The following UNC13A variants were observed in gnomAD, a reference collection of about 807,000 sequenced individuals.
The protein encoded by UNC13A is protein unc-13 homolog A.
A neutral mutation model predicts 219.7 loss-of-function variants in UNC13A; 61 were observed. The observed-to-expected ratio is 0.28, with a 90% CI of 0.23 to 0.34. The LOEUF is 0.34. Ranked by LOEUF, UNC13A falls within the 10% of genes least tolerant of loss-of-function variation. UNC13A has a pLI of 1.00. For missense variants in UNC13A, 1,476 were observed against 2,270.3 expected, an observed-to-expected ratio of 0.65 and a Z score of 7.11; for synonymous variants, 920 against 884.6, an observed-to-expected ratio of 1.04 and a Z score of -0.71.
rs1014541148 is a variant in UNC13A, at chr19:17,688,333, AT to A, written c.-135del. 7.6e-7 allele frequency: 1 copy of A among 1,308,946 alleles called. No individual in the cohort carries two copies. Among genetic ancestry groups the A allele is most frequent in the Non-Finnish European group, 9.7e-7 (1 of 1,028,224 alleles). 81.1% of individuals were successfully genotyped at this position (1,308,946 alleles called of 1,614,324 possible). ...CGCCGGGGCCCGGCCGCCACCGGCC[AT>A]CTTGGTTCAGCACCGGGGGCGCGGA... On this transcript the variant is annotated 5_prime_UTR_variant, in exon 1 of 44. It removes an upstream start codon present in the reference 5' UTR. Transcript: ENST00000519716.
At chr19:17,687,133 A>C (rs1255205436) in intron 1 of UNC13A, among the ~76,000 whole-genome samples, 3 of 152,176 alleles carry the variant, frequency 2.0e-5, no homozygotes, top group Admixed American at 1.3e-4. Flanking sequence ...GGGAGTGCCC[A>C]GAACGCCTGG....
chr19:17,682,153 C>A (rs1489917266), intron 1 of UNC13A, among the ~76,000 whole-genome samples: 2 of 152,092 alleles, frequency 1.3e-5, no homozygotes, highest in Non-Finnish European at 2.9e-5. Flanking sequence ...AGGGTTTCAC[C>A]ATGTTGCCCA....
At chr19:17,677,357 C>CTT (rs993666999) in intron 1 of UNC13A, among the ~76,000 whole-genome samples, 117 of 67,034 alleles carry the variant, frequency 1.7e-3, no homozygotes, top group African/African-American at 0.013. Flanking sequence ...TCTTTCTTTT[C>CTT]TTTTTTTTTT....
intron 35 of UNC13A, among the ~76,000 whole-genome samples, chr19:17,624,122 C>CTT (rs762349924): frequency 0.11 from 15,364 of 135,806 alleles, 1,134 homozygotes; most frequent in Middle Eastern, 0.16. Flanking sequence ...TATGCCTTCT[C>CTT]TTTTTTTTTT....
In UNC13A at chr19:17,645,820, C is replaced by T; in HGVS notation, c.2210G>A (p.Arg737His). 2 of 1,611,232 alleles carry T rather than the reference C, an allele frequency of 1.2e-6. No homozygotes were observed. Among genetic ancestry groups the T allele is most frequent in the Non-Finnish European group, 1.7e-6 (2 of 1,178,694 alleles). Reference protein sequence around the residue: ...FHFECHNSSDRIKVRVWDEDD... With the variant: ...FHFECHNSSDHIKVRVWDEDD... ...CTCGTCCCAGACGCGCACCTTGATG[C>T]GGTCGGAGGAATTGTGACATTCACT... The change falls in exon 19 of 44, where the codon CGC (arginine) becomes CAC (histidine). Residue 737 changes from arginine (R) to histidine (H), a missense_variant. This residue lies in a region of UNC13A where 66 missense variants were observed against 224.3 expected (regional missense o/e 0.29). Transcript: ENST00000519716.
rs1028692794 is a variant in UNC13A, at chr19:17,604,086, A to G, written c.*1968T>C. On this transcript the variant is annotated 3_prime_UTR_variant, in exon 44 of 44. Transcript: ENST00000519716. ...CTCGGTCTCCCCAAATGCTGGGATT[A>G]TAGTCATGTCCCCACAGCTATAGGT... 2.0e-5 allele frequency: 3 copies of G among 152,182 alleles called. No individual in the cohort carries two copies. Among genetic ancestry groups the G allele is most frequent in the Non-Finnish European group, 4.4e-5 (3 of 68,080 alleles). The allele number at this position is 152,182 out of a possible 1,614,324, so 9.4% of individuals were successfully genotyped here. A position where few individuals can be genotyped will look rare whatever the true frequency, so the allele number is the denominator to read the frequency against.
intron 1 of UNC13A, among the ~76,000 whole-genome samples, chr19:17,684,606 C>G (rs8106468): frequency 0.62 from 94,262 of 152,110 alleles, 30,928 homozygotes; most frequent in African/African-American, 0.79. Context: ...ATAAATGAAG[C>G]GGGCAGAGAT....
At chr19:17,684,403 A>G (rs187380575) in intron 1 of UNC13A, among the ~76,000 whole-genome samples, 1 of 152,256 alleles carries the variant, frequency 6.6e-6, no homozygotes, top group Admixed American at 6.6e-5. Context: ...GATGGCTAGG[A>G]ATAGGGCTGG....
chr19:17,679,507 G>T (rs2079966510), intron 1 of UNC13A, among the ~76,000 whole-genome samples: 1 of 151,516 alleles, frequency 6.6e-6, no homozygotes, highest in Non-Finnish European at 1.5e-5. Flanking sequence ...AGGCAGTTGG[G>T]GGAGAAAAGT....
At chr19:17,631,275 C>T (rs933168766) in intron 28 of UNC13A, among the ~76,000 whole-genome samples, 11 of 144,622 alleles carry the variant, frequency 7.6e-5, no homozygotes, top group Non-Finnish European at 1.5e-4. Flanking sequence ...GGCTAAAGTG[C>T]AGTGGTGCGA....
intron 36 of UNC13A, 84 bp downstream of exon 36, chr19:17,623,458 G>T: frequency 9.1e-7 from 1 of 1,098,710 alleles, no homozygotes; most frequent in African/African-American, 1.6e-5. Flanking sequence ...TGGGTGGGTG[G>T]GGAGAGGGGT....
chr19:17,613,794 C>A (rs1339190019), intron 41 of UNC13A: 1 of 149,600 alleles, frequency 6.7e-6, no homozygotes, highest in Non-Finnish European at 1.5e-5. Context: ...CGGCTCACTG[C>A]AACCTCGGCC....
intron 8 of UNC13A, among the ~76,000 whole-genome samples, chr19:17,659,504 A>G (rs1329073298): frequency 2.0e-5 from 3 of 151,990 alleles, no homozygotes; most frequent in Non-Finnish European, 4.4e-5. Flanking sequence ...AAAGTGGCTC[A>G]TGCCTGTAAT....
chr19:17,606,200 C>T lies in UNC13A; in HGVS notation c.4966G>A (p.Gly1656Ser). The change falls in exon 44 of 44, where the codon GGC becomes AGC. Residue 1656 changes from glycine to serine, a missense_variant. By Grantham distance (56) the Gly-to-Ser change is moderately conservative. Transcript: ENST00000519716. ...RGSAACWLPLGRRIHMDDTGL... is the reference protein window; with the variant it reads ...RGSAACWLPLSRRIHMDDTGL... ...GTGTCGTCCATGTGGATGCGGCGGCCGAGCGGCAGCCAGCAGGCGGCGCTC... is the reference window on the plus strand; with the variant it reads ...GTGTCGTCCATGTGGATGCGGCGGCTGAGCGGCAGCCAGCAGGCGGCGCTC... 6.4e-7 allele frequency: 1 copy of T among 1,551,428 alleles called. No individual in the cohort carries two copies. The highest frequency in any genetic ancestry group is 8.7e-7 in the Non-Finnish European group (1 of 1,150,722).
chr19:17,672,435 C>G lies in UNC13A; in HGVS notation c.213G>C (p.Trp71Cys), dbSNP rs747275398. 6.2e-7 allele frequency: 1 copy of G among 1,613,868 alleles called. No homozygotes were observed. The highest frequency in any genetic ancestry group is 8.5e-7 in the Non-Finnish European group (1 of 1,179,858). The stretch of plus-strand genomic sequence containing the variant: ...TCCACACAGTGCCCACCATTGTGTC[C>G]CAGATGAGACCCTTATTCCACACCT... ...TVEVWNKGLIWDTMVGTVWIP... is the reference protein window; with the variant it reads ...TVEVWNKGLICDTMVGTVWIP... Residue 71 changes from tryptophan (W) to cysteine (C), a missense_variant, in exon 4 of 44, where the codon TGG becomes TGC. By Grantham distance (215) the Trp-to-Cys change is radical. Coordinates refer to ENST00000519716, the MANE Select transcript of UNC13A (RefSeq NM_001080421.3).
At chr19:17,686,252 C>A (rs1233297659) in intron 1 of UNC13A, among the ~76,000 whole-genome samples, 1 of 149,916 alleles carries the variant, frequency 6.7e-6, no homozygotes, top group East Asian at 2.0e-4. Flanking sequence ...ATGCCACCCC[C>A]GCAGCCGAGC....
At chr19:17,648,393 C>T in intron 16 of UNC13A, 38 bp downstream of exon 16, 8 of 1,484,498 alleles carry the variant, frequency 5.4e-6, no homozygotes, top group Non-Finnish European at 6.3e-6. Flanking sequence ...GGGCTCCCCA[C>T]GCCAACCCGT....
At position 17,649,260 on chromosome 19, in the gene UNC13A, G is replaced by T. The variant is rs144093654; in HGVS notation, c.1524+79C>A. The T allele has an allele frequency of 4.4e-3, 6,695 of 1,534,068 alleles. 32 individuals are homozygous for T. The highest frequency in any genetic ancestry group is 0.016 in the Middle Eastern group (92 of 5,656). On this transcript the variant is annotated intron_variant, in intron 14 of 43. Transcript: ENST00000519716. This position sits in a 1 kb window ranked among gnomAD's most constrained non-coding sequence, Gnocchi z 4.4. ...ATGGCAAGGTTCCCCCATAATCCATGAATTGGGGGCCTGTTAGAAGATCCC... is the reference window on the plus strand; with the variant it reads ...ATGGCAAGGTTCCCCCATAATCCATTAATTGGGGGCCTGTTAGAAGATCCC...
chr19:17,606,367 G>T lies in UNC13A; in HGVS notation c.4812-13C>A. The T allele has an allele frequency of 1.9e-6, 3 of 1,540,240 alleles. No individual in the cohort carries two copies. The South Asian group carries it at 3.6e-5, about 18-fold the overall frequency. On this transcript the variant is annotated splice_polypyrimidine_tract_variant and intron_variant, in intron 43 of 43. Transcript: ENST00000519716. Reference sequence around the variant, plus strand: ...GGCGCTCAGCGTGCTGCGTGGGGAGGGGCGGAACGTGAGACAGGCCACACC... The same window carrying T: ...GGCGCTCAGCGTGCTGCGTGGGGAGTGGCGGAACGTGAGACAGGCCACACC...
Sources: gnomAD v4.1 joint callset for allele counts (sites outside exome capture counted in the v4.1 genomes callset) on GRCh38, gnomAD v4.1.1 for gene constraint, gnomAD v4.1.1 regional missense constraint, Gnocchi (gnomAD v3.1) non-coding constraint, MANE v1.5 for transcripts, NCBI Gene and HGNC (gene_info 2026-07-23, HGNC 2026-07-21) for gene names.